Variants in FAM3D observed in about 807,000 individuals in gnomAD.
FAM3D encodes the protein protein FAM3D.
FAM3D carries 26 observed loss-of-function variants against 29.8 expected under a neutral mutation model. The ratio of observed to expected loss-of-function variants is 0.87; its 90% CI spans 0.64 to 1.21. The LOEUF (loss-of-function observed/expected upper bound fraction) is 1.21, where lower values mean the gene tolerates loss of function less well. Ranked by LOEUF, FAM3D falls within the 50% of genes most tolerant of loss-of-function variation. The pLI is 0.00. For missense variants in FAM3D, 253 were observed against 290.9 expected, an observed-to-expected ratio of 0.87 and a Z score of 0.95; for synonymous variants, 115 against 102.3, an observed-to-expected ratio of 1.12 and a Z score of -0.75.
intron 4 of FAM3D, 114 bp from the exon 5 acceptor site, chr3:58,645,740 C>T (rs146148015): frequency 3.8e-5 from 34 of 897,330 alleles, no homozygotes; most frequent in Non-Finnish European, 5.5e-5. Flanking sequence ...AGCTCAGAGC[C>T]TCTTTCTGGG....
intron 4 of FAM3D, among the ~76,000 whole-genome samples, chr3:58,648,862 T>A (rs955531787): frequency 6.6e-6 from 1 of 152,204 alleles, no homozygotes; most frequent in Non-Finnish European, 1.5e-5. Flanking sequence ...CAGCACCCAC[T>A]TCTGTTTGTC....
intron 3 of FAM3D, 73 bp from the exon 4 acceptor site, chr3:58,649,411 G>C (rs773927980): frequency 6.3e-7 from 1 of 1,591,964 alleles, no homozygotes; most frequent in Non-Finnish European, 8.6e-7. Context: ...TTGGGGGCTG[G>C]GGGCTGGGGA....
intron 6 of FAM3D, among the ~76,000 whole-genome samples, chr3:58,641,666 C>A (rs1402977622): frequency 6.6e-6 from 1 of 152,172 alleles, no homozygotes; most frequent in Non-Finnish European, 1.5e-5. Flanking sequence ...CTGCACCCAG[C>A]CTGCTTAACC....
chr3:58,653,756 G>A lies in FAM3D; in HGVS notation c.39C>T (p.Ile13=). The change falls in exon 3 of 10, where the codon ATC becomes ATT. Residue 13 remains isoleucine, a synonymous_variant. Coordinates refer to ENST00000358781, the MANE Select transcript of FAM3D (RefSeq NM_138805.3). ...VSGVLRLLAL[I]FAIVTTWMFI... is the part of the protein sequence containing the mutation. ...ACATCCATGTCGTGACTATGGCAAA[G>A]ATGAGGGCCAGGAGGCGAAGCACAC... The A allele has an allele frequency of 3.7e-6, 6 of 1,613,968 alleles. No individual in the cohort carries two copies. Among genetic ancestry groups the A allele is most frequent in the Non-Finnish European group, 5.1e-6 (6 of 1,180,042 alleles).
intron 6 of FAM3D, among the ~76,000 whole-genome samples, chr3:58,642,189 C>T (rs945339088): frequency 3.3e-5 from 5 of 152,172 alleles, no homozygotes; most frequent in Admixed American, 2.6e-4. Context: ...CCTGCCACTC[C>T]CTGCCCTGGC....
intron 1 of FAM3D, among the ~76,000 whole-genome samples, chr3:58,656,334 GGTGA>G (rs1452501989): frequency 6.6e-6 from 1 of 152,156 alleles, no homozygotes; most frequent in Non-Finnish European, 1.5e-5. Context: ...AGCTTGCAAG[GGTGA>G]GAGCCAGAAT....
chr3:58,664,133 C>T (rs2066985059), intron 1 of FAM3D, among the ~76,000 whole-genome samples: 1 of 152,074 alleles, frequency 6.6e-6, no homozygotes, highest in Non-Finnish European at 1.5e-5. Flanking sequence ...GGTTACCTCA[C>T]CTCCTTAGGC....
At chr3:58,658,853 G>A (rs2066875686) in intron 1 of FAM3D, among the ~76,000 whole-genome samples, 1 of 152,176 alleles carries the variant, frequency 6.6e-6, no homozygotes, top group Admixed American at 6.5e-5. Context: ...GGGCTACTGA[G>A]GTCCCATCCT....
intron 5 of FAM3D, among the ~76,000 whole-genome samples, chr3:58,645,234 C>T (rs780694149): frequency 3.9e-5 from 6 of 152,174 alleles, no homozygotes; most frequent in Non-Finnish European, 8.8e-5. Context: ...GTCTGCACCC[C>T]ACTATCCTCA....
intron 6 of FAM3D, among the ~76,000 whole-genome samples, chr3:58,641,753 A>G (rs77891096): frequency 3.9e-5 from 6 of 152,224 alleles, no homozygotes; most frequent in Non-Finnish European, 4.4e-5. Context: ...ATGGGGTTAA[A>G]TGAAAAGGCA....
At chr3:58,640,213 C>A in intron 6 of FAM3D, 36 bp from the exon 7 acceptor site, 3 of 1,610,092 alleles carry the variant, frequency 1.9e-6, no homozygotes, top group Non-Finnish European at 2.6e-6. Context: ...TCCCCTGTAA[C>A]ACGTGTCATT....
At chr3:58,655,756 C>T (rs2066776720) in intron 1 of FAM3D, among the ~76,000 whole-genome samples, 155 bp from the exon 2 acceptor site, 1 of 152,204 alleles carries the variant, frequency 6.6e-6, no homozygotes, top group Admixed American at 6.5e-5. Flanking sequence ...CAATTTTCCT[C>T]CTTTCCTGTC....
In FAM3D at chr3:58,634,006, A is replaced by G. The variant is rs946998383; in HGVS notation, c.*273T>C. 4 of 439,640 alleles carry G rather than the reference A, an allele frequency of 9.1e-6. No individual in the cohort carries two copies. Among genetic ancestry groups the G allele is most frequent in the Non-Finnish European group, 1.6e-5 (4 of 247,694 alleles). 27.2% of individuals were successfully genotyped at this position (439,640 alleles called of 1,614,324 possible). ...AAGTCTGGGCAGTTTGTCCTTCCTCAGGACCAGCCGTCAGCAGTCCCTGAC... is the reference window on the plus strand; with the variant it reads ...AAGTCTGGGCAGTTTGTCCTTCCTCGGGACCAGCCGTCAGCAGTCCCTGAC... On this transcript the variant is annotated 3_prime_UTR_variant, in exon 10 of 10. Coordinates refer to ENST00000358781, the MANE Select transcript of FAM3D (RefSeq NM_138805.3). The surrounding 1 kb of genome is among the most constrained non-coding windows in gnomAD (Gnocchi z 4.6).
chr3:58,660,465 C>G (rs1426884359), intron 1 of FAM3D, among the ~76,000 whole-genome samples: 3 of 152,134 alleles, frequency 2.0e-5, no homozygotes, highest in African/African-American at 7.2e-5. Flanking sequence ...TATTTATGGG[C>G]AATTATTGAT....
intron 3 of FAM3D, among the ~76,000 whole-genome samples, chr3:58,651,843 G>T (rs1029234665): frequency 4.0e-5 from 6 of 150,658 alleles, no homozygotes; most frequent in African/African-American, 1.5e-4. Flanking sequence ...TGGGGGGCGC[G>T]GGGGTGGGGA....
intron 2 of FAM3D, among the ~76,000 whole-genome samples, chr3:58,655,222 C>T (rs2066758769): frequency 6.6e-6 from 1 of 152,108 alleles, no homozygotes; most frequent in Non-Finnish European, 1.5e-5. Flanking sequence ...CCTTTGCCTC[C>T]CTCTAGAATT....
chr3:58,652,977 C>CT (rs57991098), intron 3 of FAM3D, among the ~76,000 whole-genome samples: 1 of 146,856 alleles, frequency 6.8e-6, no homozygotes, highest in Non-Finnish European at 1.5e-5. Flanking sequence ...TCCATCCATC[C>CT]GTTTTTTTTT....
intron 1 of FAM3D, among the ~76,000 whole-genome samples, chr3:58,659,794 T>A (rs1450499279): frequency 2.0e-5 from 3 of 151,618 alleles, no homozygotes; most frequent in Non-Finnish European, 4.4e-5. Flanking sequence ...AAATGACTTC[T>A]TTTTTTTTCA....
At chr3:58,659,533 C>T (rs1180095154) in intron 1 of FAM3D, among the ~76,000 whole-genome samples, 1 of 152,218 alleles carries the variant, frequency 6.6e-6, no homozygotes, top group African/African-American at 2.4e-5. Flanking sequence ...CTGCTTAAAT[C>T]CTGGCTCCTG....
Sources: gnomAD v4.1 joint callset for allele counts (sites outside exome capture counted in the v4.1 genomes callset) on GRCh38, gnomAD v4.1.1 for gene constraint, Gnocchi (gnomAD v3.1) non-coding constraint, MANE v1.5 for transcripts, NCBI Gene and HGNC (gene_info 2026-07-23, HGNC 2026-07-21) for gene names.